Variants in POMGNT1 observed in about 807,000 individuals in gnomAD.
POMGNT1 encodes protein O-linked mannose N-acetylglucosaminyltransferase 1 (beta 1,2-), also known as protein O-linked-mannose beta-1,2-N-acetylglucosaminyltransferase 1.
POMGNT1 carries 67 observed loss-of-function variants against 95.6 expected under a neutral mutation model. The observed-to-expected ratio is 0.70, with a 90% CI of 0.58 to 0.86. The LOEUF is 0.86. POMGNT1 is among the 40% of genes least tolerant of loss of function. The probability of loss-of-function intolerance (pLI) is 0.00; values close to 1 mark genes in which losing one functional copy is unlikely to be tolerated. For missense variants in POMGNT1, 719 were observed against 855.2 expected (o/e 0.84, Z 1.99); for synonymous variants, 298 against 317.9 (o/e 0.94, Z 0.66).
intron 18 of POMGNT1, 63 bp from the exon 19 acceptor site, chr1:46,190,580 T>C: frequency 1.9e-6 from 3 of 1,539,806 alleles, no homozygotes; most frequent in Non-Finnish European, 9.0e-7. Flanking sequence ...TGGGTAGCAC[T>C]GAGCAGGGCA....
At chr1:46,191,995 G>T (rs1657804548) in intron 17 of POMGNT1, 103 bp downstream of exon 17, 1 of 1,468,884 alleles carries the variant, frequency 6.8e-7, no homozygotes, top group South Asian at 1.2e-5. Context: ...TTTCCCCAAG[G>T]TTACATGGCT....
At chr1:46,203,425 G>C (rs772237850), upstream of POMGNT1, 29 of 1,457,662 alleles carry the variant, frequency 2.0e-5, no homozygotes, top group Non-Finnish European at 2.6e-5. Context: ...GCTTGGGCCC[G>C]CATGGAGGGG....
intron 1 of POMGNT1, among the ~76,000 whole-genome samples, chr1:46,210,558 T>G (rs562830367): frequency 6.6e-6 from 1 of 152,316 alleles, no homozygotes; most frequent in Admixed American, 6.5e-5. Flanking sequence ...GGGGTTCCTA[T>G]GACCCCCTCC....
At chr1:46,217,842 A>G (rs1233683895) in intron 1 of POMGNT1, among the ~76,000 whole-genome samples, 1 of 152,138 alleles carries the variant, frequency 6.6e-6, no homozygotes, top group African/African-American at 2.4e-5. Context: ...GGGCAACAAG[A>G]GAGAAACTCT....
In POMGNT1 at chr1:46,193,309, GAC is replaced by G. The variant is rs1553163360; in HGVS notation, c.1104_1105del (p.Gln370AlafsTer47). On this transcript the variant is annotated frameshift_variant, in exon 12 of 22. Transcript: ENST00000371984. LOFTEE classifies it high-confidence loss of function. ...CCCCACTTGCCTATGCAGTACCTGA[GAC>G]ACGCGGGCATTCTTGATGCTGATGG... 5 of 1,613,828 alleles carry G rather than the reference GAC, an allele frequency of 3.1e-6. No individual in the cohort carries two copies. Among genetic ancestry groups the G allele is most frequent in the East Asian group, 2.2e-5 (1 of 44,886 alleles).
intron 17 of POMGNT1, 44 bp from the exon 18 acceptor site, chr1:46,190,828 G>A: frequency 6.5e-7 from 1 of 1,540,634 alleles, no homozygotes; most frequent in Non-Finnish European, 9.0e-7. Flanking sequence ...CACATTGTCT[G>A]GCCCACACCC....
upstream of POMGNT1, among the ~76,000 whole-genome samples, chr1:46,199,242 A>G (rs1342537968): frequency 1.3e-5 from 2 of 152,184 alleles, no homozygotes; most frequent in Non-Finnish European, 2.9e-5. Flanking sequence ...CGTGCTGGCT[A>G]TAGGCGCTAT....
At chr1:46,197,402 C>G in intron 2 of POMGNT1, 2 of 1,486,880 alleles carry the variant, frequency 1.3e-6, no homozygotes, top group Non-Finnish European at 1.8e-6. Flanking sequence ...GGGACCCAAG[C>G]GGGGGATCAG....
rs193919336 is a variant in POMGNT1 at position 46,193,873 on chromosome 1, C to G, written c.932G>C (p.Arg311Pro). 3 of 1,614,082 alleles carry G rather than the reference C, an allele frequency of 1.9e-6. No homozygotes were observed. The highest frequency in any genetic ancestry group is 2.2e-5 in the East Asian group (1 of 44,884). ...GGCTTACCTGTACAGGTAATTGGGT[C>G]GGTTCCCTGCAATGACAGCCACAGG... ...NVPVAVIAGN[R>P]PNYLYRMLRS... The change falls in exon 10 of 22, where the codon CGA becomes CCA. Residue 311 changes from arginine to proline, a missense_variant. By Grantham distance (103) the Arg-to-Pro change is moderately radical. This residue lies in a region of POMGNT1 where 466 missense variants were observed against 517.4 expected (regional missense o/e 0.90). Coordinates refer to ENST00000371984, the MANE Select transcript of POMGNT1 (RefSeq NM_017739.4).
At chr1:46,197,990 A>C (rs959128912) in intron 1 of POMGNT1, 119 bp from the exon 2 acceptor site, 60 of 1,013,382 alleles carry the variant, frequency 5.9e-5, no homozygotes, top group Non-Finnish European at 8.3e-5. Context: ...ACTGTGTGAC[A>C]TGGGGAAAGT....
chr1:46,190,165 C>A (rs1657648895), intron 19 of POMGNT1, 176 bp from the exon 20 acceptor site: 1 of 799,330 alleles, frequency 1.3e-6, no homozygotes, highest in Admixed American at 2.9e-5. Context: ...CTGCCTCAGC[C>A]TCCCAAGTAG....
intron 18 of POMGNT1, 89 bp from the exon 19 acceptor site, chr1:46,190,606 A>T: frequency 1.3e-6 from 2 of 1,532,318 alleles, no homozygotes; most frequent in Non-Finnish European, 1.8e-6. Flanking sequence ...TCACATGGGA[A>T]TCTGTAGCCG....
At chr1:46,215,219 C>CT in intron 1 of POMGNT1, among the ~76,000 whole-genome samples, 1 of 129,960 alleles carries the variant, frequency 7.7e-6, no homozygotes, top group East Asian at 2.1e-4. Flanking sequence ...CAACAAAACT[C>CT]TGTCTCAAAA....
chr1:46,189,018 C>T lies in POMGNT1; in HGVS notation c.*252G>A. 2 of 1,585,320 alleles carry T rather than the reference C, an allele frequency of 1.3e-6. No individual in the cohort carries two copies. Among genetic ancestry groups the T allele is most frequent in the Non-Finnish European group, 1.7e-6 (2 of 1,166,290 alleles). ...GGTATTCAAAGGGCAGGATGAGCTG[C>T]TAGGGATCGTAATGATTCCCAGGTA... On this transcript the variant is annotated 3_prime_UTR_variant, in exon 22 of 22. Transcript: ENST00000371984.
At chr1:46,203,458 A>G in intron 1 of POMGNT1, 1 of 1,502,084 alleles carries the variant, frequency 6.7e-7, no homozygotes, top group South Asian at 1.3e-5. Flanking sequence ...CAGACGCCTG[A>G]CCTGCGGGAT....
At chr1:46,190,024 G>A (rs2148168169) in intron 19 of POMGNT1, 35 bp from the exon 20 acceptor site, 7 of 1,612,582 alleles carry the variant, frequency 4.3e-6, no homozygotes, top group South Asian at 1.1e-5. Flanking sequence ...AGCCAAGACA[G>A]GGCCCACTTC....
At chr1:46,219,735 C>A in exon 1 of POMGNT1, 1 of 1,607,034 alleles carries the variant, frequency 6.2e-7, no homozygotes, top group Non-Finnish European at 8.5e-7. Flanking sequence ...GATCCTGCAG[C>A]AGCTGGTGAC....
At chr1:46,197,246 C>A in intron 2 of POMGNT1, 162 bp from the exon 3 acceptor site, 1 of 1,546,110 alleles carries the variant, frequency 6.5e-7, no homozygotes, top group Non-Finnish European at 8.7e-7. Context: ...GGCCTAGTTT[C>A]ACAGCCACTT....
upstream of POMGNT1, among the ~76,000 whole-genome samples, chr1:46,200,170 A>C (rs1456009028): frequency 6.6e-6 from 1 of 152,196 alleles, no homozygotes; most frequent in Non-Finnish European, 1.5e-5. Context: ...CGTCTCAAAA[A>C]ATAAAAAAAT....
Sources: allele counts gnomAD v4.1 joint callset (sites outside exome capture counted in the v4.1 genomes callset), GRCh38; gene constraint gnomAD v4.1.1; regional missense constraint gnomAD v4.1.1; transcripts MANE v1.5; gene names NCBI Gene and HGNC (gene_info 2026-07-23, HGNC 2026-07-21).